Variants in ITGA2 observed in about 807,000 individuals in gnomAD.
The protein encoded by ITGA2 is integrin alpha-2.
In ITGA2, 101 loss-of-function variants were observed where a neutral mutation model predicts 146.3. That is an observed-to-expected ratio of 0.69 (90% CI 0.59 to 0.81). The LOEUF is 0.81. Among genes scored for constraint, ITGA2 ranks in the 40% least tolerant of loss-of-function variants. The pLI is 0.00. For missense variants in ITGA2, 1,281 were observed against 1,402.7 expected, an observed-to-expected ratio of 0.91 and a Z score of 1.39; for synonymous variants, 477 against 487.1, an observed-to-expected ratio of 0.98 and a Z score of 0.27.
chr5:53,038,982 A>T (rs1325990066), intron 2 of ITGA2, among the ~76,000 whole-genome samples: 1 of 152,196 alleles, frequency 6.6e-6, no homozygotes, highest in Non-Finnish European at 1.5e-5. Context: ...AATCCCAGCT[A>T]TTCAGGAGGC....
chr5:53,059,901 G>A lies in ITGA2; in HGVS notation c.1201G>A (p.Ala401Thr). The A allele has an allele frequency of 6.2e-7, 1 of 1,612,276 alleles. No individual in the cohort carries two copies. ...TATTCTGATGCTGGGTGCAGTGGGAGCTTTTGGCTGGAGTGGGACCATTGT... is the reference window on the plus strand; with the variant it reads ...TATTCTGATGCTGGGTGCAGTGGGAACTTTTGGCTGGAGTGGGACCATTGT... ...NDILMLGAVG[A>T]FGWSGTIVQK... Residue 401 changes from alanine to threonine, a missense_variant, in exon 11 of 30, where the codon GCT becomes ACT. Transcript: ENST00000296585.
rs539579464 is a variant in ITGA2 at position 52,993,068 on chromosome 5, T to C, written c.64+3536T>C. 5.2e-4 allele frequency among the ~76,000 whole-genome samples: 79 copies of C among 152,330 alleles called. No individual in the cohort carries two copies. In the Middle Eastern group the frequency reaches 0.01, roughly 20 times the overall value. On this transcript the variant is annotated intron_variant, in intron 1 of 29. Transcript: ENST00000296585. ...GCTTTCACCCCTTTTCACTCATCTCTTTGCAACTGACCATTATCCAATGCT... is the reference window on the plus strand; with the variant it reads ...GCTTTCACCCCTTTTCACTCATCTCCTTGCAACTGACCATTATCCAATGCT...
chr5:53,024,706 G>C (rs530564589), intron 1 of ITGA2, among the ~76,000 whole-genome samples: 2 of 152,308 alleles, frequency 1.3e-5, no homozygotes, highest in East Asian at 3.9e-4. Context: ...AGTGGAACAG[G>C]CAGCTGCAAA....
intron 3 of ITGA2, among the ~76,000 whole-genome samples, chr5:53,044,152 G>GT (rs1223025745): frequency 6.6e-6 from 1 of 151,454 alleles, no homozygotes; most frequent in Non-Finnish European, 1.5e-5. Context: ...GTGTGCACCT[G>GT]TATTCCCAGC....
chr5:53,017,448 T>A (rs112276832), intron 1 of ITGA2, among the ~76,000 whole-genome samples: 131 of 152,348 alleles, frequency 8.6e-4, no homozygotes, highest in African/African-American at 2.7e-3. Flanking sequence ...GTTAGGCATC[T>A]GCTGCACTGG....
At chr5:53,069,797 G>A (rs1461091917) in intron 16 of ITGA2, among the ~76,000 whole-genome samples, 2 of 150,516 alleles carry the variant, frequency 1.3e-5, no homozygotes, top group Non-Finnish European at 2.9e-5. Flanking sequence ...ACCCGTGCTT[G>A]TGGGAGTGAG....
intron 1 of ITGA2, among the ~76,000 whole-genome samples, chr5:53,021,910 A>G (rs968244297): frequency 4.6e-5 from 7 of 152,006 alleles, no homozygotes; most frequent in Non-Finnish European, 1.0e-4. Flanking sequence ...ATTTCTTCCT[A>G]TGTATGTCCC....
chr5:53,079,040 T>C (rs1312865637), intron 24 of ITGA2, among the ~76,000 whole-genome samples, 166 bp downstream of exon 24: 1 of 152,200 alleles, frequency 6.6e-6, no homozygotes, highest in Non-Finnish European at 1.5e-5. Context: ...CCACAGATGC[T>C]GGGCTTTATC....
chr5:53,083,283 T>C, intron 26 of ITGA2, 57 bp from the exon 27 acceptor site: 1 of 1,120,184 alleles, frequency 8.9e-7, no homozygotes, highest in Non-Finnish European at 1.4e-6. Flanking sequence ...TTTTAGCATT[T>C]ATTTTTTAAC....
chr5:53,009,667 T>A (rs1001396546), intron 1 of ITGA2, among the ~76,000 whole-genome samples: 9 of 152,024 alleles, frequency 5.9e-5, no homozygotes, highest in African/African-American at 1.7e-4. Context: ...ATTATATATT[T>A]TATATATATA....
At chr5:53,013,175 A>C (rs1264626072) in intron 1 of ITGA2, among the ~76,000 whole-genome samples, 1 of 151,992 alleles carries the variant, frequency 6.6e-6, no homozygotes, top group Admixed American at 6.6e-5. Context: ...TCCTTGCCAG[A>C]GCCAATGTTC....
In ITGA2 at chr5:53,090,030, T is replaced by G. The variant is rs1398415893; in HGVS notation, c.3433T>G (p.Leu1145Val). The change falls in exon 29 of 30, where the codon TTG becomes GTG. Residue 1145 changes from leucine (L) to valine (V), a missense_variant. Leu to Val is a conservative substitution (Grantham distance 32). Around this residue, in one of 3 missense-constraint regions of ITGA2, gnomAD observed 475 missense variants for 530.5 expected, o/e 0.90. Coordinates refer to ENST00000296585, the MANE Select transcript of ITGA2 (RefSeq NM_002203.4). ...AGGAAGTATAATTGCTGGAATCCTT[T>G]TGCTGTTAGCTCTGGTTGCAATTTT... ...IIGSIIAGILLLLALVAILWK... is the reference protein window; with the variant it reads ...IIGSIIAGILVLLALVAILWK... The G allele has an allele frequency of 1.2e-6, 2 of 1,612,748 alleles. No individual in the cohort carries two copies. The highest frequency in any genetic ancestry group is 1.7e-6 in the Non-Finnish European group (2 of 1,178,754).
intron 19 of ITGA2, 113 bp from the exon 20 acceptor site, chr5:53,073,005 C>T: frequency 9.5e-7 from 1 of 1,048,786 alleles, no homozygotes; most frequent in Non-Finnish European, 1.4e-6. Flanking sequence ...GCAATTTTCT[C>T]AGTATTCTAA....
chr5:53,039,611 G>T (rs185022149), intron 2 of ITGA2, among the ~76,000 whole-genome samples: 1 of 151,016 alleles, frequency 6.6e-6, no homozygotes, highest in African/African-American at 2.4e-5. Context: ...GTGGTGGCGC[G>T]GGCCTGTAGT....
chr5:53,041,465 C>T (rs1192837059), intron 2 of ITGA2, among the ~76,000 whole-genome samples: 1 of 152,170 alleles, frequency 6.6e-6, no homozygotes, highest in Admixed American at 6.5e-5. Context: ...GATAAGATAT[C>T]TGCTCTCTAA....
chr5:53,079,378 A>G (rs1036588323), intron 24 of ITGA2, among the ~76,000 whole-genome samples: 1 of 152,138 alleles, frequency 6.6e-6, no homozygotes, highest in Non-Finnish European at 1.5e-5. Flanking sequence ...CCATTTGTAT[A>G]CAAATCTGTA....
intron 28 of ITGA2, chr5:53,088,928 C>T (rs952581940): frequency 6.6e-6 from 1 of 152,122 alleles, no homozygotes; most frequent in African/African-American, 2.4e-5. Context: ...ATGCTATAGT[C>T]ATGGGTCCAT....
At chr5:53,010,665 G>A (rs1742080030) in intron 1 of ITGA2, among the ~76,000 whole-genome samples, 1 of 152,076 alleles carries the variant, frequency 6.6e-6, no homozygotes, top group African/African-American at 2.4e-5. Context: ...TCTGTAATGG[G>A]TTGAGCCATT....
At chr5:53,076,794 T>A (rs1745682711) in intron 23 of ITGA2, among the ~76,000 whole-genome samples, 1 of 152,058 alleles carries the variant, frequency 6.6e-6, no homozygotes. Context: ...TGAATTCAAA[T>A]GTATTCTAAT....
Sources: gnomAD v4.1 joint callset for allele counts (sites outside exome capture counted in the v4.1 genomes callset) on GRCh38, gnomAD v4.1.1 for gene constraint, gnomAD v4.1.1 regional missense constraint, MANE v1.5 for transcripts, NCBI Gene and HGNC (gene_info 2026-07-23, HGNC 2026-07-21) for gene names.